The following STXBP5L variants were observed in gnomAD, a reference collection of about 807,000 sequenced individuals.
STXBP5L encodes syntaxin-binding protein 5-like.
STXBP5L carries 65 observed loss-of-function variants against 144.5 expected under a neutral mutation model. The observed-to-expected ratio is 0.45, with a 90% CI of 0.37 to 0.55. The LOEUF is 0.55. Among genes scored for constraint, STXBP5L ranks in the 20% least tolerant of loss-of-function variants. The pLI, the probability that STXBP5L is intolerant of heterozygous loss-of-function variation, is 0.00. For missense variants in STXBP5L, 1,298 were observed against 1,405.5 expected (o/e 0.92, Z 1.22); for synonymous variants, 505 against 469.6 (o/e 1.08, Z -0.97).
chr3:121,141,439 A>G (rs2045500508), intron 7 of STXBP5L, among the ~76,000 whole-genome samples: 1 of 152,166 alleles, frequency 6.6e-6, no homozygotes, highest in Non-Finnish European at 1.5e-5. Context: ...TGCTAAGGGT[A>G]AATATACAAA....
chr3:121,358,292 C>T (rs999656815), intron 20 of STXBP5L, among the ~76,000 whole-genome samples: 2 of 151,952 alleles, frequency 1.3e-5, no homozygotes, highest in East Asian at 1.9e-4. Flanking sequence ...TGGTAATTTT[C>T]GTATTAGTCC....
At chr3:121,229,874 C>T (rs555796416) in intron 11 of STXBP5L, among the ~76,000 whole-genome samples, 1 of 152,202 alleles carries the variant, frequency 6.6e-6, no homozygotes, top group Admixed American at 6.5e-5. Context: ...TTATAATTGT[C>T]AGAAAAACGT....
intron 21 of STXBP5L, among the ~76,000 whole-genome samples, chr3:121,379,660 A>G (rs1478678601): frequency 6.6e-6 from 1 of 152,156 alleles, no homozygotes; most frequent in Non-Finnish European, 1.5e-5. Context: ...ATTATGCTAT[A>G]CTAAATCTGA....
chr3:121,291,863 TG>T (rs1007615551), intron 19 of STXBP5L, among the ~76,000 whole-genome samples: 4 of 152,038 alleles, frequency 2.6e-5, no homozygotes, highest in Middle Eastern at 3.2e-3. Flanking sequence ...TGTAGAAAAA[TG>T]AAACTGGATC....
chr3:121,417,882 CAGAG>C lies in STXBP5L; in HGVS notation c.3227-443_3227-440del, dbSNP rs147529183. ...CATATACCCCATTTTTCAGTATTTA[CAGAG>C]AGAGAGAGAGACAGAAAGAGAGAGA... On this transcript the variant is annotated intron_variant, in intron 25 of 26. Transcript: ENST00000471454. Among the ~76,000 whole-genome samples the C allele has an allele frequency of 4.9e-3, 737 of 151,282 alleles. 10 individuals carry two copies. The highest frequency in any genetic ancestry group is 0.017 in the African/African-American group (684 of 41,314).
At chr3:120,917,381 A>G (rs1709155934) in intron 2 of STXBP5L, among the ~76,000 whole-genome samples, 1 of 152,188 alleles carries the variant, frequency 6.6e-6, no homozygotes, top group Non-Finnish European at 1.5e-5. Flanking sequence ...TTGACTTTAT[A>G]GAAAAGAAAA....
intron 5 of STXBP5L, among the ~76,000 whole-genome samples, chr3:121,091,649 G>A (rs1407800748): frequency 2.6e-5 from 4 of 152,026 alleles, no homozygotes; most frequent in African/African-American, 9.7e-5. Flanking sequence ...AAATTTGTTT[G>A]AGTTCATCAT....
intron 19 of STXBP5L, among the ~76,000 whole-genome samples, chr3:121,311,542 A>C (rs529616187): frequency 5.9e-5 from 9 of 152,290 alleles, no homozygotes; most frequent in Non-Finnish European, 1.3e-4. Context: ...TTCTTATACA[A>C]CAATAACAGA....
At chr3:121,293,172 G>A (rs1426670573) in intron 19 of STXBP5L, among the ~76,000 whole-genome samples, 1 of 152,076 alleles carries the variant, frequency 6.6e-6, no homozygotes, top group African/African-American at 2.4e-5. Flanking sequence ...CTACAACATG[G>A]ATGAATCCAA....
Position 121,205,923 on chromosome 3 carries a change from G to T in STXBP5L, c.878G>T (p.Gly293Val). 1 of 1,461,336 alleles carries T rather than the reference G, an allele frequency of 6.8e-7. No homozygotes were observed. The highest frequency in any genetic ancestry group is 9.1e-7 in the Non-Finnish European group (1 of 1,094,242). 90.5% of individuals were successfully genotyped at this position (1,461,336 alleles called of 1,614,324 possible). A position where few individuals can be genotyped will look rare whatever the true frequency, so the allele number is the denominator to read the frequency against. Residue 293 changes from glycine to valine, a missense_variant and splice_region_variant, in exon 10 of 27, where the codon GGA becomes GTA. Coordinates refer to ENST00000471454, the MANE Select transcript of STXBP5L (RefSeq NM_001308330.2). ...SRPFQTTIPH[G>V]KSQREGRKSE... The stretch of plus-strand genomic sequence containing the variant: ...TCAATTAAATATTTTTTTTCTTTAG[G>T]AAAAAGTCAAAGAGAAGGAAGAAAA...
At chr3:121,176,736 C>T (rs751517089) in intron 9 of STXBP5L, among the ~76,000 whole-genome samples, 1 of 151,660 alleles carries the variant, frequency 6.6e-6, no homozygotes, top group African/African-American at 2.4e-5. Context: ...TCTCATCTAA[C>T]AACCCAATAA....
At chr3:121,119,546 AT>A (rs1167855785) in intron 6 of STXBP5L, among the ~76,000 whole-genome samples, 7 of 151,372 alleles carry the variant, frequency 4.6e-5, no homozygotes, top group African/African-American at 9.7e-5. Flanking sequence ...ATTACTGCAC[AT>A]TTTTTTAGGT....
At chr3:121,335,949 C>T (rs1031855899) in intron 20 of STXBP5L, among the ~76,000 whole-genome samples, 8 of 152,094 alleles carry the variant, frequency 5.3e-5, no homozygotes, top group African/African-American at 1.9e-4. Context: ...AGCTTCTGCA[C>T]AGCAAAAGAA....
chr3:121,193,587 G>A (rs2047795706), intron 9 of STXBP5L, among the ~76,000 whole-genome samples: 1 of 152,166 alleles, frequency 6.6e-6, no homozygotes, highest in Non-Finnish European at 1.5e-5. Flanking sequence ...GTCCATCAAT[G>A]ATAGACTGGA....
At chr3:121,164,254 A>T (rs921592574) in intron 9 of STXBP5L, among the ~76,000 whole-genome samples, 1 of 152,342 alleles carries the variant, frequency 6.6e-6, no homozygotes, top group South Asian at 2.1e-4. Flanking sequence ...AAGGTGCTCA[A>T]CATCATTTAT....
At chr3:120,989,332 T>A (rs909764030) in intron 3 of STXBP5L, among the ~76,000 whole-genome samples, 6 of 152,212 alleles carry the variant, frequency 3.9e-5, no homozygotes, top group African/African-American at 1.2e-4. Context: ...CCATTCTGAC[T>A]GGTGTAAGAT....
chr3:120,959,562 C>G (rs1359278817), intron 3 of STXBP5L, among the ~76,000 whole-genome samples: 2 of 152,078 alleles, frequency 1.3e-5, no homozygotes, highest in Non-Finnish European at 1.5e-5. Context: ...AGATATAGAC[C>G]AATGGAACAG....
intron 20 of STXBP5L, among the ~76,000 whole-genome samples, chr3:121,374,453 C>A (rs1449012814): frequency 6.6e-6 from 1 of 151,616 alleles, no homozygotes; most frequent in East Asian, 1.9e-4. Flanking sequence ...CAATAACAGA[C>A]CCCAAAGGAA....
intron 19 of STXBP5L, among the ~76,000 whole-genome samples, chr3:121,305,786 G>A (rs1185190419): frequency 6.6e-6 from 1 of 151,928 alleles, no homozygotes; most frequent in Non-Finnish European, 1.5e-5. Context: ...TCATAACCTA[G>A]TAAGGACAAA....
Sources: allele counts gnomAD v4.1 joint callset (sites outside exome capture counted in the v4.1 genomes callset), GRCh38; gene constraint gnomAD v4.1.1; transcripts MANE v1.5; gene names NCBI Gene and HGNC (gene_info 2026-07-23, HGNC 2026-07-21).